LRP5: variants seen among roughly 807,000 people sequenced by gnomAD.
The protein encoded by LRP5 is low-density lipoprotein receptor-related protein 5.
Under a neutral mutation model 154.1 loss-of-function variants are expected in LRP5, and 62 were observed. The observed-to-expected ratio is 0.40, with a 90% CI of 0.33 to 0.50. LRP5 has a LOEUF of 0.50. LRP5 is among the 20% of genes least tolerant of loss of function. The pLI, the probability that LRP5 is intolerant of heterozygous loss-of-function variation, is 0.55. For synonymous variants in LRP5, 966 were observed against 1,011.5 expected, an observed-to-expected ratio of 0.96 and a Z score of 0.85; for missense variants, 1,915 against 2,336.7, an observed-to-expected ratio of 0.82 and a Z score of 3.72.
intron 11 of LRP5, among the ~76,000 whole-genome samples, chr11:68,411,922 A>G (rs534760816): frequency 7.2e-5 from 11 of 152,176 alleles, no homozygotes; most frequent in African/African-American, 1.9e-4. Context: ...ACCCTAACAC[A>G]CATGGTGGTT....
At chr11:68,361,314 A>G (rs200944076) in intron 3 of LRP5, among the ~76,000 whole-genome samples, 5 of 148,352 alleles carry the variant, frequency 3.4e-5, no homozygotes, top group Non-Finnish European at 5.9e-5. Context: ...CAAAAAAAAA[A>G]ATAATAAAAT....
At chr11:68,363,055 A>G (rs1022063836) in intron 3 of LRP5, among the ~76,000 whole-genome samples, 4 of 152,272 alleles carry the variant, frequency 2.6e-5, no homozygotes, top group African/African-American at 9.6e-5. Flanking sequence ...AGAAAAGAAT[A>G]GCTGTTTCTC....
intron 1 of LRP5, 49 bp downstream of exon 1, chr11:68,312,854 C>G: frequency 1.1e-6 from 1 of 949,154 alleles, no homozygotes; most frequent in Non-Finnish European, 1.3e-6. Context: ...CGGACAATGG[C>G]CCGGGCGGCC....
chr11:68,426,118 C>G lies in LRP5; in HGVS notation c.3568C>G (p.Arg1190Gly). 6.2e-7 allele frequency: 1 copy of G among 1,613,328 alleles called. No individual in the cohort carries two copies. Among genetic ancestry groups the G allele is most frequent in the Non-Finnish European group, 8.5e-7 (1 of 1,180,032 alleles). Residue 1190 changes from arginine to glycine, a missense_variant, in exon 16 of 23, where the codon CGC (arginine) becomes GGC (glycine). By Grantham distance (125) the Arg-to-Gly change is moderately radical (BLOSUM62 -2). This residue lies in a region of LRP5 where 1,094 missense variants were observed against 1,210.1 expected (regional missense o/e 0.90). Coordinates refer to ENST00000294304, the MANE Select transcript of LRP5 (RefSeq NM_002335.4). ...VEKTTGDKRTRIQGRVAHLTG... is the reference protein window; with the variant it reads ...VEKTTGDKRTGIQGRVAHLTG... Reference sequence around the variant, plus strand: ...GAAGACCACCGGGGACAAGCGGACTCGCATCCAGGGCCGTGTCGCCCACCT... The same window carrying G: ...GAAGACCACCGGGGACAAGCGGACTGGCATCCAGGGCCGTGTCGCCCACCT...
At chr11:68,368,667 T>C (rs1431338818) in intron 5 of LRP5, among the ~76,000 whole-genome samples, 4 of 152,188 alleles carry the variant, frequency 2.6e-5, no homozygotes, top group Non-Finnish European at 4.4e-5. Context: ...CTCCACATTT[T>C]ATCTTCTGTT....
At chr11:68,349,542 TG>T (rs914140419) in intron 2 of LRP5, among the ~76,000 whole-genome samples, 3 of 152,216 alleles carry the variant, frequency 2.0e-5, no homozygotes, top group Admixed American at 1.3e-4. Flanking sequence ...CAGAACCTGC[TG>T]GGAGTGGTTC....
At chr11:68,403,378 T>C in intron 7 of LRP5, 105 bp from the exon 8 acceptor site, 1 of 960,516 alleles carries the variant, frequency 1.0e-6, no homozygotes, top group Admixed American at 2.0e-5. Context: ...TCTTGGGCAT[T>C]GAACCCGTCT....
At chr11:68,308,546 G>A (rs1343863611), upstream of LRP5, among the ~76,000 whole-genome samples, 1 of 152,182 alleles carries the variant, frequency 6.6e-6, no homozygotes, top group Non-Finnish European at 1.5e-5. Context: ...TGGAAGCTCA[G>A]CACATCCTCC....
At chr11:68,352,822 G>T (rs899054545) in intron 2 of LRP5, among the ~76,000 whole-genome samples, 2 of 151,798 alleles carry the variant, frequency 1.3e-5, no homozygotes, top group Non-Finnish European at 1.5e-5. Context: ...GCTCTGTTGG[G>T]AGGTGCATGA....
At chr11:68,446,629 C>A in intron 22 of LRP5, 96 bp downstream of exon 22, 2 of 1,142,098 alleles carry the variant, frequency 1.8e-6, no homozygotes, top group Non-Finnish European at 2.6e-6. Context: ...GGGAGGTATT[C>A]TGGGTGCTAG....
intron 18 of LRP5, among the ~76,000 whole-genome samples, chr11:68,436,062 G>GT (rs1337542779): frequency 5.3e-5 from 8 of 152,214 alleles, no homozygotes. Flanking sequence ...AGGGGCAGAC[G>GT]TTGGAGCCAT....
chr11:68,369,848 C>G (rs2098633090), intron 5 of LRP5, among the ~76,000 whole-genome samples: 1 of 152,158 alleles, frequency 6.6e-6, no homozygotes, highest in Admixed American at 6.5e-5. Context: ...CCAGGCTACC[C>G]TGGCTTGCAA....
rs572104061 is a variant in LRP5 at position 68,426,289 on chromosome 11, G to A, written c.3637+102G>A. On this transcript the variant is annotated intron_variant, in intron 16 of 22. Transcript: ENST00000294304. ...AGATCCTGTGTGGCCTCAGCCAGGC[G>A]GTGGTCTCTGCCAGATGCCAACTGT... is the stretch of plus-strand genomic sequence containing the variant. 6.1e-4 allele frequency: 607 copies of A among 999,362 alleles called. 1 individual carries two copies. Among genetic ancestry groups the A allele is most frequent in the Non-Finnish European group, 7.9e-4 (539 of 679,032 alleles). 61.9% of individuals were successfully genotyped at this position (999,362 alleles called of 1,614,324 possible).
chr11:68,431,231 C>CTTTTTT (rs34840282), intron 17 of LRP5, among the ~76,000 whole-genome samples: 84 of 92,944 alleles, frequency 9.0e-4, no homozygotes, highest in Non-Finnish European at 1.1e-3. Flanking sequence ...GCTGTGCACC[C>CTTTTTT]TTTTTTTTTT....
chr11:68,439,937 G>C, intron 21 of LRP5, 21 bp downstream of exon 21: 2 of 1,510,356 alleles, frequency 1.3e-6, no homozygotes, highest in Non-Finnish European at 1.8e-6. Flanking sequence ...GGGCCGGGGA[G>C]GGGCGGGGCG....
At chr11:68,310,874 G>A (rs1164969646), upstream of LRP5, among the ~76,000 whole-genome samples, 1 of 152,080 alleles carries the variant, frequency 6.6e-6, no homozygotes, top group Non-Finnish European at 1.5e-5. Context: ...GGAGCAGGGT[G>A]AGATGTGGGA....
At chr11:68,346,603 T>C (rs1048492375) in intron 1 of LRP5, among the ~76,000 whole-genome samples, 1 of 152,262 alleles carries the variant, frequency 6.6e-6, no homozygotes, top group African/African-American at 2.4e-5. Flanking sequence ...GCTTTCTCTT[T>C]CTTGGTGAAG....
chr11:68,385,325 G>A lies in LRP5; in HGVS notation c.1016-991G>A, dbSNP rs559728460. Among the ~76,000 whole-genome samples the A allele has an allele frequency of 1.6e-4, 25 of 152,262 alleles. No individual in the cohort carries two copies. The East Asian group carries it at 4.4e-3, about 27-fold the overall frequency. ...TCAGCCAGCAGCAGGCTTGGCCCTG[G>A]GGGGCAGCAGAGACCCAGGTGGCTG... On this transcript the variant is annotated intron_variant, in intron 5 of 22. Transcript: ENST00000294304.
chr11:68,413,188 T>C lies in LRP5; in HGVS notation c.2504-501T>C, dbSNP rs941137435. ...TGGTTGCCTGAAATGATTAAGCTCATTAATCACCCCGGAGTGAGGACAGAC... is the reference window on the plus strand; with the variant it reads ...TGGTTGCCTGAAATGATTAAGCTCACTAATCACCCCGGAGTGAGGACAGAC... On this transcript the variant is annotated intron_variant, in intron 11 of 22. Transcript: ENST00000294304. The surrounding 1 kb of genome is among the most constrained non-coding windows in gnomAD (Gnocchi z 5.1). The C allele has an allele frequency of 4.7e-5, 11 of 234,904 alleles. No homozygotes were observed. Among genetic ancestry groups the C allele is most frequent in the African/African-American group, 2.5e-4 (11 of 44,650 alleles). 14.6% of individuals were successfully genotyped at this position (234,904 alleles called of 1,614,324 possible).
Sources: gnomAD v4.1 joint callset for allele counts (sites outside exome capture counted in the v4.1 genomes callset) on GRCh38, gnomAD v4.1.1 for gene constraint, gnomAD v4.1.1 regional missense constraint, Gnocchi (gnomAD v3.1) non-coding constraint, MANE v1.5 for transcripts, NCBI Gene and HGNC (gene_info 2026-07-23, HGNC 2026-07-21) for gene names.